MAN2A1: variants seen among roughly 807,000 people sequenced by gnomAD.
MAN2A1 encodes the protein alpha-mannosidase 2.
Under a neutral mutation model 142.6 loss-of-function variants are expected in MAN2A1, and 76 were observed. The ratio of observed to expected loss-of-function variants is 0.53; its 90% CI spans 0.44 to 0.65. MAN2A1 has a LOEUF of 0.65. MAN2A1 is among the 30% of genes least tolerant of loss of function. The probability of loss-of-function intolerance (pLI) is 0.00; values close to 1 mark genes in which losing one functional copy is unlikely to be tolerated. For missense variants in MAN2A1, 1,311 were observed against 1,365.1 expected (o/e 0.96, Z 0.62); for synonymous variants, 559 against 473.2 (o/e 1.18, Z -2.35).
intron 12 of MAN2A1, among the ~76,000 whole-genome samples, chr5:109,801,873 T>C (rs1187446133): frequency 6.6e-6 from 1 of 152,140 alleles, no homozygotes; most frequent in Non-Finnish European, 1.5e-5. Flanking sequence ...AAAGAAAAGC[T>C]CATAAAATAA....
chr5:109,805,596 G>A (rs187495849), intron 12 of MAN2A1, among the ~76,000 whole-genome samples: 109 of 152,274 alleles, frequency 7.2e-4, no homozygotes, highest in African/African-American at 2.6e-3. Flanking sequence ...GTGTTGTGAA[G>A]GGACCCTTGC....
rs1355317028 is a variant in MAN2A1 at position 109,869,342 on chromosome 5, C to T, written c.*2344C>T. On this transcript the variant is annotated 3_prime_UTR_variant, in exon 22 of 22. Coordinates refer to ENST00000261483, the MANE Select transcript of MAN2A1 (RefSeq NM_002372.4). ...TGGAAATTTTAGTTTGAGTTTGTGA[C>T]TGCAGTGTTCAAGAACTCAGCATCC... 2.6e-5 allele frequency: 4 copies of T among 152,152 alleles called. No individual in the cohort carries two copies. The highest frequency in any genetic ancestry group is 6.5e-5 in the Admixed American group (1 of 15,270). 9.4% of individuals were successfully genotyped at this position (152,152 alleles called of 1,614,324 possible).
chr5:109,820,028 T>C (rs994712090), intron 14 of MAN2A1, 141 bp downstream of exon 14: 4 of 809,402 alleles, frequency 4.9e-6, no homozygotes, highest in Non-Finnish European at 7.8e-6. Context: ...CATGAGCTTT[T>C]TGCACCTTCA....
At chr5:109,802,185 A>G (rs1754049899) in intron 12 of MAN2A1, among the ~76,000 whole-genome samples, 1 of 152,136 alleles carries the variant, frequency 6.6e-6, no homozygotes, top group Admixed American at 6.6e-5. Flanking sequence ...TTTATACTGT[A>G]CTGTGTAGAC....
intron 4 of MAN2A1, among the ~76,000 whole-genome samples, chr5:109,750,280 T>C (rs889466487): frequency 2.0e-5 from 3 of 152,090 alleles, no homozygotes; most frequent in African/African-American, 7.2e-5. Context: ...TTTTTGGGTT[T>C]TGTTGTTGTT....
rs189670268 is a variant in MAN2A1, at chr5:109,827,720, G to A, written c.2566+3883G>A. On this transcript the variant is annotated intron_variant, in intron 16 of 21. Coordinates refer to ENST00000261483, the MANE Select transcript of MAN2A1 (RefSeq NM_002372.4). The stretch of plus-strand genomic sequence containing the variant: ...TCCTTTTCATTATCGTTCAGACATC[G>A]CATTCAAAAGGTTTCTAAAAATACT... Among the ~76,000 whole-genome samples, 44 of 152,090 alleles carry A rather than the reference G, an allele frequency of 2.9e-4. 1 individual carries two copies. In the South Asian group the frequency reaches 2.9e-3, roughly 10 times the overall value.
At chr5:109,754,506 A>T (rs1337407723) in intron 4 of MAN2A1, among the ~76,000 whole-genome samples, 1 of 152,178 alleles carries the variant, frequency 6.6e-6, no homozygotes, top group Admixed American at 6.5e-5. Flanking sequence ...TGTGGTATTT[A>T]CTAGCTTTAC....
Position 109,867,413 on chromosome 5 carries a change from A to G in MAN2A1, c.*415A>G, listed in dbSNP as rs1755915219. On this transcript the variant is annotated 3_prime_UTR_variant, in exon 22 of 22. Coordinates refer to ENST00000261483, the MANE Select transcript of MAN2A1 (RefSeq NM_002372.4). ...AACACCTATTTGGCTGAAATGGAATAAAATGTTTGTGGGTAAAAGCTAATG... is the reference window on the plus strand; with the variant it reads ...AACACCTATTTGGCTGAAATGGAATGAAATGTTTGTGGGTAAAAGCTAATG... The G allele has an allele frequency of 6.5e-6, 1 of 153,334 alleles. No individual in the cohort carries two copies. Among genetic ancestry groups the G allele is most frequent in the African/African-American group, 2.4e-5 (1 of 41,496 alleles). 9.5% of individuals were successfully genotyped at this position (153,334 alleles called of 1,614,324 possible).
intron 20 of MAN2A1, among the ~76,000 whole-genome samples, chr5:109,856,586 G>T (rs1206760707): frequency 5.9e-5 from 9 of 152,200 alleles, no homozygotes; most frequent in African/African-American, 2.2e-4. Flanking sequence ...GTAAATTGCT[G>T]TCCTGCCATC....
At chr5:109,742,488 G>A (rs1177593071) in intron 4 of MAN2A1, among the ~76,000 whole-genome samples, 2 of 152,100 alleles carry the variant, frequency 1.3e-5, no homozygotes, top group African/African-American at 2.4e-5. Flanking sequence ...ACCTTCCACT[G>A]TCTTCTCAAC....
At position 109,690,056 on chromosome 5, in the gene MAN2A1, G is replaced by T. The variant is rs890676203; in HGVS notation, c.-362G>T. On this transcript the variant is annotated 5_prime_UTR_variant, in exon 1 of 22. Transcript: ENST00000261483. ...AACTTTTCCTGCCGACTCAGTTGGG[G>T]CGGCGGTGGCAGGAAGTGCGGGCAG... 1 of 230,750 alleles carries T rather than the reference G, an allele frequency of 4.3e-6. No individual in the cohort carries two copies. Among genetic ancestry groups the T allele is most frequent in the African/African-American group, 2.4e-5 (1 of 42,522 alleles). The allele number at this position is 230,750 out of a possible 1,614,324, so 14.3% of individuals were successfully genotyped here. A position where few individuals can be genotyped will look rare whatever the true frequency, so the allele number is the denominator to read the frequency against.
intron 1 of MAN2A1, among the ~76,000 whole-genome samples, chr5:109,700,215 A>G (rs1032583072): frequency 6.6e-5 from 10 of 151,380 alleles, no homozygotes; most frequent in African/African-American, 2.2e-4. Flanking sequence ...TCATTTTACA[A>G]CTCATTATGC....
At chr5:109,827,057 C>G (rs1754778001) in intron 16 of MAN2A1, among the ~76,000 whole-genome samples, 1 of 152,066 alleles carries the variant, frequency 6.6e-6, no homozygotes, top group African/African-American at 2.4e-5. Context: ...ACTTTTGTCC[C>G]CCTTAAACCA....
chr5:109,781,427 A>T lies in MAN2A1; in HGVS notation c.1406A>T (p.Asp469Val). The change falls in exon 9 of 22, where the codon GAT becomes GTT. Residue 469 changes from aspartate (D) to valine (V), a missense_variant. Physicochemically the swap from Asp to Val is radical, Grantham distance 152 (BLOSUM62 -3). Coordinates refer to ENST00000261483, the MANE Select transcript of MAN2A1 (RefSeq NM_002372.4). ...IQFGTLSDFF[D>V]ALDKADETQR... ...TTTGGAACTTTATCAGATTTTTTTG[A>T]TGCGCTGGATAAAGCAGATGAAACT... The T allele has an allele frequency of 6.2e-7, 1 of 1,604,018 alleles. No individual in the cohort carries two copies. The highest frequency in any genetic ancestry group is 8.5e-7 in the Non-Finnish European group (1 of 1,177,430).
chr5:109,765,469 A>T (rs1296075599), intron 5 of MAN2A1, among the ~76,000 whole-genome samples: 2 of 152,138 alleles, frequency 1.3e-5, no homozygotes, highest in Admixed American at 1.3e-4. Context: ...GAGGCATGTG[A>T]TGTCTCTGTC....
chr5:109,801,281 C>G (rs1012840259), intron 12 of MAN2A1, among the ~76,000 whole-genome samples: 8 of 152,116 alleles, frequency 5.3e-5, no homozygotes, highest in Non-Finnish European at 1.2e-4. Flanking sequence ...CTTCTACATA[C>G]AGTACATCTG....
At position 109,767,587 on chromosome 5, in the gene MAN2A1, A is replaced by G. The variant is rs776794833; in HGVS notation, c.888A>G (p.Thr296=). 7 of 1,613,788 alleles carry G rather than the reference A, an allele frequency of 4.3e-6. No homozygotes were observed. The highest frequency in any genetic ancestry group is 5.9e-6 in the Non-Finnish European group (7 of 1,179,756). The change falls in exon 6 of 22, where the codon ACA becomes ACG. Residue 296 remains threonine, a synonymous_variant. Transcript: ENST00000261483. ...WAIDPFGHSP[T]MAYLLNRAGL... The stretch of plus-strand genomic sequence containing the variant: ...TTGATCCCTTTGGACACTCACCAAC[A>G]ATGGCTTATCTTCTAAACCGTGCTG...
At chr5:109,724,499 ATATT>A (rs769103697) in intron 3 of MAN2A1, among the ~76,000 whole-genome samples, 4 of 152,330 alleles carry the variant, frequency 2.6e-5, no homozygotes, top group East Asian at 1.9e-4. Context: ...AAATTTGAGA[ATATT>A]TATCACATTG....
intron 16 of MAN2A1, among the ~76,000 whole-genome samples, chr5:109,828,110 A>G (rs184236154): frequency 1.6e-3 from 228 of 144,114 alleles, no homozygotes; most frequent in African/African-American, 5.1e-3. Context: ...GTCTCAAAAA[A>G]AAAAAAAAGA....
Sources: allele counts gnomAD v4.1 joint callset (sites outside exome capture counted in the v4.1 genomes callset), GRCh38; gene constraint gnomAD v4.1.1; transcripts MANE v1.5; gene names NCBI Gene and HGNC (gene_info 2026-07-23, HGNC 2026-07-21).